The following PPM1L variants were observed in gnomAD, a reference collection of about 807,000 sequenced individuals.
PPM1L encodes protein phosphatase, Mg2+/Mn2+ dependent 1L.
Under a neutral mutation model 31.4 loss-of-function variants are expected in PPM1L, and 13 were observed. The ratio of observed to expected loss-of-function variants is 0.41; its 90% CI spans 0.27 to 0.66. The LOEUF is 0.66. Among genes scored for constraint, PPM1L ranks in the 30% least tolerant of loss-of-function variants. The pLI is 0.29. For missense variants in PPM1L, 326 were observed against 453.7 expected (o/e 0.72, Z 2.56); for synonymous variants, 184 against 175.4 (o/e 1.05, Z -0.39).
intron 1 of PPM1L, among the ~76,000 whole-genome samples, chr3:160,952,032 A>G (rs1347714632): frequency 6.6e-6 from 1 of 152,224 alleles, no homozygotes; most frequent in Non-Finnish European, 1.5e-5. Context: ...TTGAGGCAGA[A>G]TTATGAATTC....
At chr3:160,954,157 T>G (rs1381961248) in intron 1 of PPM1L, among the ~76,000 whole-genome samples, 1 of 152,238 alleles carries the variant, frequency 6.6e-6, no homozygotes, top group Non-Finnish European at 1.5e-5. Context: ...TTAGGGTTGT[T>G]GTAAGGATTA....
intron 1 of PPM1L, among the ~76,000 whole-genome samples, chr3:160,903,194 G>GT (rs1553819647): frequency 1.2e-4 from 11 of 95,450 alleles, no homozygotes; most frequent in African/African-American, 3.0e-4. Context: ...TGTGTGTGTG[G>GT]TATGTGTGTA....
chr3:160,888,259 C>T (rs1712991452), intron 1 of PPM1L, among the ~76,000 whole-genome samples: 1 of 152,142 alleles, frequency 6.6e-6, no homozygotes, highest in Non-Finnish European at 1.5e-5. Flanking sequence ...AGAGTCAAGA[C>T]CCATTAGCGT....
intron 1 of PPM1L, among the ~76,000 whole-genome samples, chr3:160,817,681 G>A (rs912591349): frequency 6.6e-6 from 1 of 151,970 alleles, no homozygotes; most frequent in Non-Finnish European, 1.5e-5. Context: ...TGCCTTAATG[G>A]ACTGAAGGAG....
chr3:160,895,985 A>G (rs1713323131), intron 1 of PPM1L, among the ~76,000 whole-genome samples: 1 of 152,096 alleles, frequency 6.6e-6, no homozygotes, highest in Non-Finnish European at 1.5e-5. Flanking sequence ...CCCTACCCCA[A>G]CATTAGCTTG....
At chr3:160,765,923 T>C (rs1248827680) in intron 1 of PPM1L, among the ~76,000 whole-genome samples, 1 of 152,224 alleles carries the variant, frequency 6.6e-6, no homozygotes, top group East Asian at 1.9e-4. Flanking sequence ...TGAGTTGGTA[T>C]GTTTAGTTTG....
chr3:161,068,770 T>G (rs777326481), intron 3 of PPM1L, 41 bp from the exon 4 acceptor site: 2 of 1,523,118 alleles, frequency 1.3e-6, no homozygotes, highest in Admixed American at 1.9e-5. Context: ...GTAAGTGAGA[T>G]ATCAGCTGGT....
At chr3:160,948,438 G>C (rs1423549170) in intron 1 of PPM1L, among the ~76,000 whole-genome samples, 1 of 152,144 alleles carries the variant, frequency 6.6e-6, no homozygotes, top group Non-Finnish European at 1.5e-5. Context: ...AGGATTCAAA[G>C]TCCCACTTGC....
intron 1 of PPM1L, among the ~76,000 whole-genome samples, chr3:160,894,783 A>G (rs1280557483): frequency 2.0e-5 from 3 of 152,216 alleles, no homozygotes; most frequent in Non-Finnish European, 4.4e-5. Flanking sequence ...TTCCATAAAA[A>G]GTATACTCAG....
chr3:160,857,860 T>C (rs560061532), intron 1 of PPM1L, among the ~76,000 whole-genome samples: 58 of 152,370 alleles, frequency 3.8e-4, no homozygotes, highest in African/African-American at 1.3e-3. Flanking sequence ...TCTCTCAATC[T>C]CTTTTTCAGA....
intron 1 of PPM1L, among the ~76,000 whole-genome samples, chr3:160,784,457 T>A (rs946079034): frequency 6.6e-6 from 1 of 151,832 alleles, no homozygotes; most frequent in Non-Finnish European, 1.5e-5. Context: ...GGAGCTTTAA[T>A]GGATATTAGA....
intron 1 of PPM1L, among the ~76,000 whole-genome samples, chr3:160,864,121 A>G (rs1036649906): frequency 6.6e-6 from 1 of 152,076 alleles, no homozygotes; most frequent in Non-Finnish European, 1.5e-5. Context: ...CTTTTGAAAA[A>G]TCTTGTCCCA....
chr3:160,847,508 A>C (rs1272984618), intron 1 of PPM1L, among the ~76,000 whole-genome samples: 1 of 152,160 alleles, frequency 6.6e-6, no homozygotes, highest in Non-Finnish European at 1.5e-5. Context: ...TGTTGTGCTC[A>C]ATTGTGATCT....
intron 1 of PPM1L, among the ~76,000 whole-genome samples, chr3:160,858,393 C>G (rs1181273720): frequency 3.3e-5 from 5 of 152,094 alleles, no homozygotes; most frequent in Non-Finnish European, 5.9e-5. Flanking sequence ...ATTGCAGGAG[C>G]CTGCCACCAC....
chr3:161,059,176 C>T (rs9290065), intron 2 of PPM1L, among the ~76,000 whole-genome samples: 97,809 of 152,058 alleles, frequency 0.64, 34,198 homozygotes, highest in East Asian at 0.97. Flanking sequence ...ATAATGACCA[C>T]TGTAATGTAC....
Position 161,078,877 on chromosome 3 carries a change from TA to T in PPM1L, c.*9723del, listed in dbSNP as rs1461201609. On this transcript the variant is annotated 3_prime_UTR_variant, in exon 4 of 4. Transcript: ENST00000498165. ...ACCCATGACAAGATTAAAGCAAAAATAAACACAAAGTTGTTAGACTTTAAAC... is the reference window on the plus strand; with the variant it reads ...ACCCATGACAAGATTAAAGCAAAAATAACACAAAGTTGTTAGACTTTAAAC... 1.3e-5 allele frequency: 2 copies of T among 152,226 alleles called. No individual in the cohort carries two copies. The highest frequency in any genetic ancestry group is 2.9e-5 in the Non-Finnish European group (2 of 68,032). The allele number at this position is 152,226 out of a possible 1,614,324, so 9.4% of individuals were successfully genotyped here.
chr3:160,824,917 T>G (rs1184849653), intron 1 of PPM1L, among the ~76,000 whole-genome samples: 1 of 152,158 alleles, frequency 6.6e-6, no homozygotes, highest in Non-Finnish European at 1.5e-5. Flanking sequence ...TTCAGCTTAG[T>G]GTTTTTGCAA....
intron 2 of PPM1L, among the ~76,000 whole-genome samples, chr3:161,028,845 A>G (rs1313301291): frequency 2.0e-5 from 3 of 152,156 alleles, no homozygotes; most frequent in Non-Finnish European, 4.4e-5. Context: ...TAAAATTGTA[A>G]TTAGTGAGAT....
At chr3:160,944,834 A>ATATGTTATATATAACATATATGT (rs1230484647) in intron 1 of PPM1L, among the ~76,000 whole-genome samples, 23 of 48,022 alleles carry the variant, frequency 4.8e-4, no homozygotes, top group African/African-American at 1.3e-3. Flanking sequence ...TATATAACAT[A>ATATGTTATATATAACATATATGT]TATATGTTAT....
Sources: allele counts gnomAD v4.1 joint callset (sites outside exome capture counted in the v4.1 genomes callset), GRCh38; gene constraint gnomAD v4.1.1; transcripts MANE v1.5; gene names NCBI Gene and HGNC (gene_info 2026-07-23, HGNC 2026-07-21).